Variants in GRID1 observed in about 807,000 individuals in gnomAD.
The protein encoded by GRID1 is glutamate ionotropic receptor delta type subunit 1.
A neutral mutation model predicts 98.0 loss-of-function variants in GRID1; 28 were observed. That is an observed-to-expected ratio of 0.29 (90% CI 0.21 to 0.39). The LOEUF (loss-of-function observed/expected upper bound fraction) is 0.39, where lower values mean the gene tolerates loss of function less well. GRID1 is among the 10% of genes least tolerant of loss of function. GRID1 has a pLI of 1.00. For synonymous variants in GRID1, 553 were observed against 538.5 expected (o/e 1.03, Z -0.37); for missense variants, 1,111 against 1,340.5 (o/e 0.83, Z 2.67).
intron 4 of GRID1, among the ~76,000 whole-genome samples, chr10:86,036,957 A>G (rs1221865848): frequency 6.6e-6 from 1 of 152,240 alleles, no homozygotes; most frequent in Non-Finnish European, 1.5e-5. Flanking sequence ...TGACAAATTA[A>G]TTAGTACAAC....
intron 4 of GRID1, among the ~76,000 whole-genome samples, chr10:86,014,564 T>C (rs1287211964): frequency 6.6e-6 from 1 of 152,142 alleles, no homozygotes; most frequent in African/African-American, 2.4e-5. Context: ...CACAGCAGGC[T>C]CTCTCTCAGC....
intron 8 of GRID1, among the ~76,000 whole-genome samples, chr10:85,802,821 A>G (rs1014463444): frequency 6.9e-6 from 1 of 145,814 alleles, no homozygotes; most frequent in African/African-American, 2.6e-5. Context: ...CAGAACTCCA[A>G]GCATCCAAGC....
chr10:86,139,604 G>A (rs1408396577), intron 3 of GRID1, among the ~76,000 whole-genome samples: 3 of 152,208 alleles, frequency 2.0e-5, no homozygotes, highest in African/African-American at 7.2e-5. Context: ...TGGCTTTAGG[G>A]ACCTGATTTT....
chr10:86,340,166 C>T (rs1848289834), intron 2 of GRID1, among the ~76,000 whole-genome samples: 1 of 152,008 alleles, frequency 6.6e-6, no homozygotes, highest in Admixed American at 6.6e-5. Context: ...AATGGAAAGC[C>T]CAGGAGTTGC....
intron 3 of GRID1, among the ~76,000 whole-genome samples, chr10:86,167,197 AAGC>A (rs1205208831): frequency 6.6e-6 from 1 of 152,218 alleles, no homozygotes; most frequent in African/African-American, 2.4e-5. Flanking sequence ...GCTTCCAATA[AAGC>A]AGGACAGAGG....
intron 4 of GRID1, among the ~76,000 whole-genome samples, chr10:85,930,437 C>T (rs866209845): frequency 2.0e-5 from 3 of 151,288 alleles, no homozygotes; most frequent in Non-Finnish European, 4.4e-5. Flanking sequence ...TTTCCAAATG[C>T]TCAATGCAAC....
intron 5 of GRID1, among the ~76,000 whole-genome samples, chr10:85,914,933 C>T (rs1841591780): frequency 6.6e-6 from 1 of 152,088 alleles, no homozygotes; most frequent in Non-Finnish European, 1.5e-5. Flanking sequence ...CGGTAGTGCT[C>T]CTCAAAGGAT....
chr10:86,197,157 T>C (rs560194040), intron 3 of GRID1, among the ~76,000 whole-genome samples: 5 of 151,400 alleles, frequency 3.3e-5, no homozygotes, highest in South Asian at 2.1e-4. Context: ...CAAGAGAAAA[T>C]AGAGTTCCAT....
At chr10:85,723,226 C>T in intron 11 of GRID1, 85 bp from the exon 12 acceptor site, 2 of 1,355,298 alleles carry the variant, frequency 1.5e-6, no homozygotes, top group Non-Finnish European at 2.0e-6. Flanking sequence ...TGCAGCCAGG[C>T]ACACAGGCCA....
chr10:86,238,359 CA>C (rs1406126820), intron 2 of GRID1, among the ~76,000 whole-genome samples: 2 of 152,180 alleles, frequency 1.3e-5, no homozygotes, highest in South Asian at 2.1e-4. Context: ...CAGCTCCAGC[CA>C]TGGCTAAAAG....
At chr10:86,124,759 A>G (rs1844726176) in intron 4 of GRID1, among the ~76,000 whole-genome samples, 1 of 152,192 alleles carries the variant, frequency 6.6e-6, no homozygotes, top group African/African-American at 2.4e-5. Flanking sequence ...CCCAATTAAT[A>G]TCGAATCCAT....
At chr10:85,840,140 C>T (rs1842949009) in intron 8 of GRID1, among the ~76,000 whole-genome samples, 1 of 152,024 alleles carries the variant, frequency 6.6e-6, no homozygotes, top group East Asian at 1.9e-4. Context: ...AAGCCTAAGA[C>T]CAGAGAGATT....
At chr10:86,021,445 T>C (rs1269864700) in intron 4 of GRID1, among the ~76,000 whole-genome samples, 1 of 152,204 alleles carries the variant, frequency 6.6e-6, no homozygotes, top group African/African-American at 2.4e-5. Context: ...GAGATGTCTG[T>C]TTAGGGTTTT....
intron 2 of GRID1, among the ~76,000 whole-genome samples, chr10:86,323,831 A>T (rs1339933956): frequency 6.6e-6 from 1 of 152,230 alleles, no homozygotes; most frequent in East Asian, 1.9e-4. Context: ...TGAATCAAAG[A>T]ACATAATGTG....
At chr10:85,912,255 A>C (rs1841549464) in intron 5 of GRID1, among the ~76,000 whole-genome samples, 1 of 152,188 alleles carries the variant, frequency 6.6e-6, no homozygotes, top group South Asian at 2.1e-4. Flanking sequence ...TCTGCAACCT[A>C]ATCAGTCAAT....
intron 3 of GRID1, among the ~76,000 whole-genome samples, chr10:86,196,385 G>A (rs918970161): frequency 2.6e-4 from 40 of 152,006 alleles, no homozygotes; most frequent in Non-Finnish European, 7.4e-5. Context: ...TGGGACCTCA[G>A]GGAGTGCAAT....
chr10:86,328,214 T>C (rs947643062), intron 2 of GRID1, among the ~76,000 whole-genome samples: 3 of 152,262 alleles, frequency 2.0e-5, no homozygotes, highest in South Asian at 2.1e-4. Flanking sequence ...TATTCTGTTA[T>C]GTGTGTAGGT....
At chr10:85,849,545 G>A (rs1202623307) in intron 8 of GRID1, among the ~76,000 whole-genome samples, 1 of 152,220 alleles carries the variant, frequency 6.6e-6, no homozygotes, top group African/African-American at 2.4e-5. Context: ...GGAAGGGACT[G>A]TGATGCCCTA....
intron 4 of GRID1, among the ~76,000 whole-genome samples, chr10:85,962,510 C>T (rs1162484624): frequency 6.6e-6 from 1 of 152,124 alleles, no homozygotes; most frequent in Admixed American, 6.5e-5. Flanking sequence ...GGAGCCATGT[C>T]AGCTTCCTAA....
Sources: allele counts gnomAD v4.1 joint callset (sites outside exome capture counted in the v4.1 genomes callset), GRCh38; gene constraint gnomAD v4.1.1; transcripts MANE v1.5; gene names NCBI Gene and HGNC (gene_info 2026-07-23, HGNC 2026-07-21).